The following TTC7A variants were observed in gnomAD, a reference collection of about 807,000 sequenced individuals.
The protein encoded by TTC7A is tetratricopeptide repeat domain 7A.
In TTC7A, 110 loss-of-function variants were observed where a neutral mutation model predicts 103.7. The ratio of observed to expected loss-of-function variants is 1.06; its 90% CI spans 0.91 to 1.24. TTC7A has a LOEUF of 1.24. Ranked by LOEUF, TTC7A falls within the 50% of genes most tolerant of loss-of-function variation. The probability of loss-of-function intolerance (pLI) is 0.00; values close to 1 mark genes in which losing one functional copy is unlikely to be tolerated. For missense variants in TTC7A, 1,340 were observed against 1,116.3 expected (o/e 1.20, Z -2.86); for synonymous variants, 521 against 467.9 (o/e 1.11, Z -1.47).
At chr2:46,971,984 G>A (rs1572769151) in intron 3 of TTC7A, among the ~76,000 whole-genome samples, 1 of 149,326 alleles carries the variant, frequency 6.7e-6, no homozygotes, top group South Asian at 2.2e-4. Context: ...GGCAGGGAGG[G>A]AGGGAGGAAG....
At chr2:46,920,372 C>T (rs1669038324) in intron 2 of TTC7A, among the ~76,000 whole-genome samples, 1 of 151,992 alleles carries the variant, frequency 6.6e-6, no homozygotes, top group Non-Finnish European at 1.5e-5. Flanking sequence ...CTCAATTGCC[C>T]AGGCTGGAGT....
chr2:46,927,695 T>C (rs1437709569), intron 2 of TTC7A, among the ~76,000 whole-genome samples: 1 of 151,988 alleles, frequency 6.6e-6, no homozygotes, highest in Non-Finnish European at 1.5e-5. Context: ...AACAGACGGC[T>C]GACTTCTCAC....
chr2:47,023,501 T>C, intron 13 of TTC7A, 36 bp downstream of exon 13: 4 of 1,609,236 alleles, frequency 2.5e-6, no homozygotes, highest in South Asian at 1.1e-5. Flanking sequence ...AGGCCCCTCT[T>C]GCCTTTGGTG....
At chr2:47,008,141 GC>G (rs1215168092) in intron 10 of TTC7A, among the ~76,000 whole-genome samples, 1 of 152,180 alleles carries the variant, frequency 6.6e-6, no homozygotes, top group Non-Finnish European at 1.5e-5. Flanking sequence ...AGTGGCATGG[GC>G]AGGTTCTTCC....
chr2:46,949,307 C>T (rs1433732454), intron 1 of TTC7A, among the ~76,000 whole-genome samples: 1 of 150,850 alleles, frequency 6.6e-6, no homozygotes, highest in African/African-American at 2.4e-5. Flanking sequence ...GTGATCTCGG[C>T]TCACTGCAAC....
At position 46,975,036 on chromosome 2, in the gene TTC7A, A is replaced by C. The variant is rs1306823592; in HGVS notation, c.581A>C (p.Glu194Ala). Residue 194 changes from glutamate (E) to alanine (A), a missense_variant, in exon 4 of 20, where the codon GAG becomes GCG. By Grantham distance (107) the Glu-to-Ala change is moderately radical. Transcript: ENST00000319190. ...CGCTTCCGCCTGACAGAGAGGGAGG[A>C]GGAAGTGATCACCTGTTTTGAGAGG... The part of the protein sequence containing the change: ...ASRFRLTERE[E>A]EVITCFERAS... 1 of 1,614,020 alleles carries C rather than the reference A, an allele frequency of 6.2e-7. No homozygotes were observed. The highest frequency in any genetic ancestry group is 8.5e-7 in the Non-Finnish European group (1 of 1,179,958).
At chr2:46,971,126 C>T (rs541294396) in intron 3 of TTC7A, among the ~76,000 whole-genome samples, 91 of 152,312 alleles carry the variant, frequency 6.0e-4, no homozygotes, top group African/African-American at 2.1e-3. Flanking sequence ...TACTGTGTGC[C>T]AGGTGGTAGA....
chr2:46,917,277 G>A (rs1368617587), exon 2 of TTC7A: 1 of 676,652 alleles, frequency 1.5e-6, no homozygotes, highest in Non-Finnish European at 2.7e-6. Context: ...GGATTACAGG[G>A]GTGAGCCACC....
At chr2:47,011,545 G>T in intron 11 of TTC7A, 110 bp downstream of exon 11, 1 of 849,522 alleles carries the variant, frequency 1.2e-6, no homozygotes, top group Non-Finnish European at 1.8e-6. Flanking sequence ...AGGTGGAAAG[G>T]ATGGGAGCTA....
chr2:47,014,423 G>A lies in TTC7A; in HGVS notation c.1392+2988G>A, dbSNP rs530602049. 4.8e-4 allele frequency among the ~76,000 whole-genome samples: 73 copies of A among 152,334 alleles called. No homozygotes were observed. In the South Asian group the frequency reaches 5.2e-3, roughly 11 times the overall value. On this transcript the variant is annotated intron_variant, in intron 11 of 19. Coordinates refer to ENST00000319190, the MANE Select transcript of TTC7A (RefSeq NM_020458.4). ...GCTGTGGGATATCCAAGGGTTCTGA[G>A]AAGGGAGGCAACAAGCTCCCCACAA...
At chr2:46,990,024 G>C (rs1248456982) in intron 5 of TTC7A, among the ~76,000 whole-genome samples, 1 of 152,194 alleles carries the variant, frequency 6.6e-6, no homozygotes, top group East Asian at 1.9e-4. Context: ...TCTTGGCTTT[G>C]GCCTCTTGGT....
chr2:46,916,127 C>T (rs1572625141), upstream of TTC7A: 5 of 985,550 alleles, frequency 5.1e-6, no homozygotes, highest in Non-Finnish European at 6.0e-6. Flanking sequence ...GGGGCGGACC[C>T]CAAAGCTGGC....
At chr2:47,022,830 T>C (rs913097725) in intron 12 of TTC7A, among the ~76,000 whole-genome samples, 6 of 152,340 alleles carry the variant, frequency 3.9e-5, no homozygotes, top group African/African-American at 1.2e-4. Context: ...CAAATAGCGG[T>C]TGCTTTCTAA....
At chr2:46,985,045 T>G (rs1346052799) in intron 5 of TTC7A, among the ~76,000 whole-genome samples, 3 of 152,178 alleles carry the variant, frequency 2.0e-5, no homozygotes, top group African/African-American at 7.2e-5. Flanking sequence ...CTTCCCCCTG[T>G]CTGCACTCTG....
intron 3 of TTC7A, among the ~76,000 whole-genome samples, chr2:46,961,187 C>T (rs980539224): frequency 6.6e-6 from 1 of 152,152 alleles, no homozygotes; most frequent in African/African-American, 2.4e-5. Context: ...CCAGCCGATT[C>T]CAGGTGCAGG....
At chr2:47,062,503 T>G (rs1210179854) in intron 19 of TTC7A, among the ~76,000 whole-genome samples, 1 of 152,216 alleles carries the variant, frequency 6.6e-6, no homozygotes, top group African/African-American at 2.4e-5. Flanking sequence ...AATTTAGACA[T>G]TAGCTTCTTT....
intron 13 of TTC7A, among the ~76,000 whole-genome samples, 183 bp from the exon 14 acceptor site, chr2:47,024,104 C>T (rs1679608215): frequency 6.6e-6 from 1 of 152,222 alleles, no homozygotes; most frequent in South Asian, 2.1e-4. Context: ...CTTGGGCTGC[C>T]TGTGGGCCGC....
intron 2 of TTC7A, among the ~76,000 whole-genome samples, chr2:46,932,387 G>A (rs954416651): frequency 2.6e-5 from 4 of 152,070 alleles, no homozygotes; most frequent in African/African-American, 9.7e-5. Context: ...GACCTCATAT[G>A]ATCCTCGCAC....
At chr2:47,021,800 T>A (rs1273492875) in intron 11 of TTC7A, 62 bp from the exon 12 acceptor site, 4 of 1,303,330 alleles carry the variant, frequency 3.1e-6, no homozygotes, top group Non-Finnish European at 4.4e-6. Context: ...GTCCAGGGAG[T>A]CATTCACTGG....
Sources: allele counts gnomAD v4.1 joint callset (sites outside exome capture counted in the v4.1 genomes callset), GRCh38; gene constraint gnomAD v4.1.1; transcripts MANE v1.5; gene names NCBI Gene and HGNC (gene_info 2026-07-23, HGNC 2026-07-21).